Variants in ERBB4 observed in about 807,000 individuals in gnomAD.
The protein encoded by ERBB4 is receptor tyrosine-protein kinase erbB-4.
A neutral mutation model predicts 158.0 loss-of-function variants in ERBB4; 42 were observed. The ratio of observed to expected loss-of-function variants is 0.27; its 90% CI spans 0.21 to 0.34. The LOEUF (loss-of-function observed/expected upper bound fraction) is 0.34, where lower values mean the gene tolerates loss of function less well. Among genes scored for constraint, ERBB4 ranks in the 10% least tolerant of loss-of-function variants. The pLI, the probability that ERBB4 is intolerant of heterozygous loss-of-function variation, is 1.00. For synonymous variants in ERBB4, 583 were observed against 558.7 expected (o/e 1.04, Z -0.61); for missense variants, 1,333 against 1,624.1 (o/e 0.82, Z 3.08).
At chr2:212,409,953 CAT>C (rs202203020) in intron 1 of ERBB4, among the ~76,000 whole-genome samples, 2,206 of 152,026 alleles carry the variant, frequency 0.015, 28 homozygotes, top group Non-Finnish European at 0.019. Context: ...TAGTTATTAA[CAT>C]AAACTCTGAA....
At chr2:212,404,825 C>T (rs1560228777) in intron 1 of ERBB4, among the ~76,000 whole-genome samples, 1 of 151,980 alleles carries the variant, frequency 6.6e-6, no homozygotes, top group Non-Finnish European at 1.5e-5. Flanking sequence ...AAGTAGTCCC[C>T]AGTATCTCTT....
At chr2:211,601,902 T>A (rs2068813259) in intron 19 of ERBB4, among the ~76,000 whole-genome samples, 1 of 152,186 alleles carries the variant, frequency 6.6e-6, no homozygotes, top group South Asian at 2.1e-4. Flanking sequence ...GGGGGTCATA[T>A]AATTGTGTCA....
At chr2:211,491,473 CTCA>C (rs2065341875) in intron 20 of ERBB4, among the ~76,000 whole-genome samples, 1 of 151,924 alleles carries the variant, frequency 6.6e-6, no homozygotes. Flanking sequence ...ATTGAAAATG[CTCA>C]TAAGTGGTTA....
intron 16 of ERBB4, among the ~76,000 whole-genome samples, chr2:211,657,217 T>C (rs1264888169): frequency 6.7e-6 from 1 of 149,924 alleles, no homozygotes; most frequent in Admixed American, 6.6e-5. Context: ...CTACACAAAT[T>C]AAAAATCGAG....
chr2:211,883,359 A>G (rs2078713729), intron 3 of ERBB4, among the ~76,000 whole-genome samples: 2 of 152,292 alleles, frequency 1.3e-5, no homozygotes, highest in South Asian at 2.1e-4. Context: ...TGACAAGTTA[A>G]TGGGTGCAGC....
chr2:212,507,469 A>T (rs1178609372), intron 1 of ERBB4, among the ~76,000 whole-genome samples: 3 of 152,176 alleles, frequency 2.0e-5, no homozygotes, highest in Non-Finnish European at 4.4e-5. Flanking sequence ...GTAAAATTAA[A>T]ACTTTCTAGA....
At chr2:212,113,236 G>A (rs1028898588) in intron 2 of ERBB4, among the ~76,000 whole-genome samples, 2 of 152,056 alleles carry the variant, frequency 1.3e-5, no homozygotes, top group Non-Finnish European at 2.9e-5. Context: ...ATTCCATAGA[G>A]GAAGAAAATT....
intron 1 of ERBB4, among the ~76,000 whole-genome samples, chr2:212,207,795 T>C (rs1215826162): frequency 6.6e-6 from 1 of 152,154 alleles, no homozygotes; most frequent in Non-Finnish European, 1.5e-5. Flanking sequence ...TTACCTGCTT[T>C]ATAGTAGGTC....
At chr2:212,316,996 T>C (rs1364592232) in intron 1 of ERBB4, among the ~76,000 whole-genome samples, 1 of 151,612 alleles carries the variant, frequency 6.6e-6, no homozygotes, top group Non-Finnish European at 1.5e-5. Flanking sequence ...AAAATCCAGA[T>C]GTTTTTCTTC....
chr2:212,276,227 AG>A (rs2085529963), intron 1 of ERBB4, among the ~76,000 whole-genome samples: 1 of 151,816 alleles, frequency 6.6e-6, no homozygotes, highest in Admixed American at 6.6e-5. Flanking sequence ...AGAACATAGT[AG>A]TCAAAAAGGA....
chr2:211,491,557 T>C (rs1015927237), intron 20 of ERBB4, among the ~76,000 whole-genome samples: 1 of 152,094 alleles, frequency 6.6e-6, no homozygotes, highest in African/African-American at 2.4e-5. Context: ...TAAAACTACG[T>C]ACATCATTAA....
chr2:212,174,062 T>G (rs1380024760), intron 1 of ERBB4, among the ~76,000 whole-genome samples: 1 of 152,058 alleles, frequency 6.6e-6, no homozygotes, highest in Non-Finnish European at 1.5e-5. Context: ...TTAGACAGAT[T>G]CCTGCTGCAG....
chr2:211,384,916 TTC>T lies in ERBB4; in HGVS notation c.3482-858_3482-857del, dbSNP rs1357490973. Among the ~76,000 whole-genome samples the T allele has an allele frequency of 2.6e-5, 4 of 152,222 alleles. No individual in the cohort carries two copies. The Middle Eastern group carries it at 0.01, about 388-fold the overall frequency. The stretch of plus-strand genomic sequence containing the variant: ...TAAAAGGTGCTAATAATTATCACCA[TTC>T]TCCTGAAGCTTAATTCCACATCTAT... On this transcript the variant is annotated intron_variant, in intron 27 of 27. Coordinates refer to ENST00000342788, the MANE Select transcript of ERBB4 (RefSeq NM_005235.3).
intron 1 of ERBB4, among the ~76,000 whole-genome samples, chr2:212,279,126 TA>T (rs1306239970): frequency 6.6e-6 from 1 of 151,630 alleles, no homozygotes; most frequent in Non-Finnish European, 1.5e-5. Flanking sequence ...AAATATTGTA[TA>T]AATAATGAGT....
At chr2:211,992,322 A>G (rs2082092342) in intron 2 of ERBB4, among the ~76,000 whole-genome samples, 1 of 152,086 alleles carries the variant, frequency 6.6e-6, no homozygotes, top group Non-Finnish European at 1.5e-5. Context: ...TGAGGAGGAA[A>G]CAAAAGCAGA....
intron 1 of ERBB4, among the ~76,000 whole-genome samples, chr2:212,273,978 T>A (rs1212452392): frequency 1.3e-5 from 2 of 151,938 alleles, no homozygotes; most frequent in Non-Finnish European, 1.5e-5. Flanking sequence ...CTTAATATCC[T>A]ACTGTTCACT....
intron 5 of ERBB4, among the ~76,000 whole-genome samples, chr2:211,746,042 C>T (rs1298878094): frequency 6.6e-6 from 1 of 152,158 alleles, no homozygotes; most frequent in Non-Finnish European, 1.5e-5. Context: ...TGTAACTGCC[C>T]TCTTTAACTC....
chr2:211,624,129 T>C (rs187154037), intron 17 of ERBB4, 85 bp from the exon 18 acceptor site: 127 of 1,498,930 alleles, frequency 8.5e-5, no homozygotes, highest in Non-Finnish European at 1.1e-4. Flanking sequence ...CTCTCTTTGG[T>C]TCTCTTTCTT....
chr2:211,400,460 A>G (rs2063012441), intron 25 of ERBB4, among the ~76,000 whole-genome samples: 1 of 152,112 alleles, frequency 6.6e-6, no homozygotes, highest in South Asian at 2.1e-4. Context: ...TATCTGTGTG[A>G]GGGTAGAGGT....
Sources: gnomAD v4.1 joint callset for allele counts (sites outside exome capture counted in the v4.1 genomes callset) on GRCh38, gnomAD v4.1.1 for gene constraint, MANE v1.5 for transcripts, NCBI Gene and HGNC (gene_info 2026-07-23, HGNC 2026-07-21) for gene names.